SIRT1: variants seen among roughly 807,000 people sequenced by gnomAD.
SIRT1 encodes sirtuin 1.
A neutral mutation model predicts 67.9 loss-of-function variants in SIRT1; 24 were observed. The observed-to-expected ratio is 0.35, with a 90% CI of 0.26 to 0.50. The LOEUF (loss-of-function observed/expected upper bound fraction) is 0.50, where lower values mean the gene tolerates loss of function less well. Among genes scored for constraint, SIRT1 ranks in the 20% least tolerant of loss-of-function variants. The pLI is 0.98. For synonymous variants in SIRT1, 378 were observed against 350.7 expected (o/e 1.08, Z -0.87); for missense variants, 873 against 937.2 (o/e 0.93, Z 0.89).
chr10:67,888,910 T>C lies in SIRT1; in HGVS notation c.576T>C (p.Leu192=), dbSNP rs1176591440. The change falls in exon 3 of 9, where the codon CTT becomes CTC. Residue 192 remains leucine, a synonymous_variant. Coordinates refer to ENST00000212015, the MANE Select transcript of SIRT1 (RefSeq NM_012238.5). ...IGPYTFVQQH[L]MIGTDPRTIL... ...CATATACTTTTGTTCAGCAACATCT[T>C]ATGATTGGCACAGATCCTCGAACAA... 6 of 1,613,222 alleles carry C rather than the reference T, an allele frequency of 3.7e-6. No homozygotes were observed. Among genetic ancestry groups the C allele is most frequent in the South Asian group, 3.3e-5 (3 of 90,962 alleles).
At position 67,918,108 on chromosome 10, in the gene SIRT1, A is replaced by G. The variant is rs1462965884; in HGVS notation, c.*1515A>G. The G allele has an allele frequency of 1.3e-5, 2 of 152,626 alleles. No homozygotes were observed. The highest frequency in any genetic ancestry group is 1.5e-5 in the Non-Finnish European group (1 of 68,030). The allele number at this position is 152,626 out of a possible 1,614,324, so 9.5% of individuals were successfully genotyped here. On this transcript the variant is annotated 3_prime_UTR_variant, in exon 9 of 9. Transcript: ENST00000212015. ...AATCTGAATTTATTTGGCTACACTAAAGAATGCAGTATATTTAGTTTTCCA... is the reference window on the plus strand; with the variant it reads ...AATCTGAATTTATTTGGCTACACTAGAGAATGCAGTATATTTAGTTTTCCA...
chr10:67,885,169 G>T lies in SIRT1; in HGVS notation c.430+18G>T, dbSNP rs1403585426. The T allele has an allele frequency of 2.2e-6, 3 of 1,368,580 alleles. No homozygotes were observed. The East Asian group carries it at 9.2e-5, about 42-fold the overall frequency. The allele number at this position is 1,368,580 out of a possible 1,614,324, so 84.8% of individuals were successfully genotyped here. A position where few individuals can be genotyped will look rare whatever the true frequency, so the allele number is the denominator to read the frequency against. ...GTACCGAGGTGCGCAGGGTGCGGGC[G>T]GCCGGAACTGCGCATCTCCTCCTCC... On this transcript the variant is annotated intron_variant, in intron 1 of 8. Coordinates refer to ENST00000212015, the MANE Select transcript of SIRT1 (RefSeq NM_012238.5).
At chr10:67,889,352 G>T (rs1361088316) in intron 3 of SIRT1, among the ~76,000 whole-genome samples, 1 of 152,208 alleles carries the variant, frequency 6.6e-6, no homozygotes, top group Non-Finnish European at 1.5e-5. Flanking sequence ...GTGGGTAAAT[G>T]GAGTTAAGGC....
rs1283901499 is a variant in SIRT1, at chr10:67,916,344, C to A, written c.1995C>A (p.Val665=). 46 of 1,614,034 alleles carry A rather than the reference C, an allele frequency of 2.9e-5. No homozygotes were observed. Among genetic ancestry groups the A allele is most frequent in the Non-Finnish European group, 3.0e-5 (35 of 1,180,004 alleles). ...AEVYSDSEDD[V]LSSSSCGSNS... is the part of the protein sequence containing the mutation. ...TATATTCAGACTCTGAAGATGACGT[C>A]TTATCCTCTAGTTCTTGTGGCAGTA... The change falls in exon 9 of 9, where the codon GTC becomes GTA. Residue 665 remains valine (V), a synonymous_variant. Transcript: ENST00000212015.
chr10:67,890,259 T>TGGCCAA (rs1175795590), intron 3 of SIRT1, among the ~76,000 whole-genome samples: 1 of 152,186 alleles, frequency 6.6e-6, no homozygotes, highest in Admixed American at 6.5e-5. Flanking sequence ...TTTCACCATA[T>TGGCCAA]TGGCCAGGCT....
chr10:67,887,343 T>C (rs576953819), intron 1 of SIRT1, 74 bp from the exon 2 acceptor site: 6 of 902,500 alleles, frequency 6.6e-6, no homozygotes, highest in African/African-American at 1.6e-5. Flanking sequence ...ATGAAAATGA[T>C]TGCTCTATAA....
intron 4 of SIRT1, among the ~76,000 whole-genome samples, chr10:67,897,882 ATGT>A (rs1842682237): frequency 6.6e-6 from 1 of 150,868 alleles, no homozygotes; most frequent in Non-Finnish European, 1.5e-5. Flanking sequence ...TAATTCACTG[ATGT>A]TAATAAAAAT....
Position 67,887,518 on chromosome 10 carries a change from C to A in SIRT1, c.532C>A (p.Pro178Thr). The change falls in exon 2 of 9, where the codon CCA becomes ACA. Residue 178 changes from proline to threonine, a missense_variant. Coordinates refer to ENST00000212015, the MANE Select transcript of SIRT1 (RefSeq NM_012238.5). ...ACATGCAAGCTCTAGTGACTGGACT[C>A]CAAGGCCACGGATAGGTATGGCTCA... ...ASHASSSDWT[P>T]RPRIGPYTFV... is the part of the protein sequence containing the mutation. The A allele has an allele frequency of 6.2e-7, 1 of 1,608,764 alleles. No homozygotes were observed. The highest frequency in any genetic ancestry group is 8.5e-7 in the Non-Finnish European group (1 of 1,175,258).
In SIRT1 at chr10:67,906,659, T is replaced by TA. The variant is rs2131879708; in HGVS notation, c.943-130dup. The TA allele has an allele frequency of 4.4e-6, 4 of 914,648 alleles. No homozygotes were observed. The East Asian group carries it at 1.1e-4, about 24-fold the overall frequency. The allele number at this position is 914,648 out of a possible 1,614,324, so 56.7% of individuals were successfully genotyped here. A position where few individuals can be genotyped will look rare whatever the true frequency, so the allele number is the denominator to read the frequency against. On this transcript the variant is annotated intron_variant, in intron 4 of 8. Transcript: ENST00000212015. The stretch of plus-strand genomic sequence containing the variant: ...TAGGTGTGTGTCGCATCCATCTAGA[T>TA]ACTTTAAAATGCTCATCTATTTCAT...
chr10:67,895,759 T>G (rs1842647626), intron 4 of SIRT1, among the ~76,000 whole-genome samples: 1 of 143,052 alleles, frequency 7.0e-6, no homozygotes, highest in Non-Finnish European at 1.5e-5. Flanking sequence ...TTTTTTTTTT[T>G]TGAGACAGTT....
At chr10:67,885,894 A>C (rs2131843622) in intron 1 of SIRT1, among the ~76,000 whole-genome samples, 1 of 150,944 alleles carries the variant, frequency 6.6e-6, no homozygotes, top group South Asian at 2.1e-4. Flanking sequence ...TAACACTTCT[A>C]GCATAATGAA....
Position 67,885,395 on chromosome 10 carries a change from G to C in SIRT1, c.430+244G>C, listed in dbSNP as rs775559192. The C allele has an allele frequency of 1.2e-4, 146 of 1,229,636 alleles. No individual in the cohort carries two copies. The Middle Eastern group carries it at 1.2e-3, about 10-fold the overall frequency. The allele number at this position is 1,229,636 out of a possible 1,614,324, so 76.2% of individuals were successfully genotyped here. ...GGGCGGCCTTGTTCTTTCCGCAGCA[G>C]CCAGGTCGGGAGACTCTCGCAGTCG... On this transcript the variant is annotated intron_variant, in intron 1 of 8. Transcript: ENST00000212015.
chr10:67,885,053 C>G lies in SIRT1; in HGVS notation c.332C>G (p.Ser111Cys). The change falls in exon 1 of 9, where the codon TCT (serine) becomes TGT (cysteine). Residue 111 changes from serine (S) to cysteine (C), a missense_variant. Around this residue, in one of 3 missense-constraint regions of SIRT1, gnomAD observed 327 missense variants for 283.9 expected, o/e 1.15. Transcript: ENST00000212015. ...GDNGPGLQGP[S>C]REPPLADNLY... is the part of the protein sequence containing the mutation. Reference sequence around the variant, plus strand: ...AATGGGCCGGGCCTGCAGGGCCCATCTCGGGAGCCACCGCTGGCCGACAAC... The same window carrying G: ...AATGGGCCGGGCCTGCAGGGCCCATGTCGGGAGCCACCGCTGGCCGACAAC... The G allele has an allele frequency of 7.0e-7, 1 of 1,430,764 alleles. No individual in the cohort carries two copies. Among genetic ancestry groups the G allele is most frequent in the Non-Finnish European group, 9.2e-7 (1 of 1,084,560 alleles). 88.6% of individuals were successfully genotyped at this position (1,430,764 alleles called of 1,614,324 possible). A position where few individuals can be genotyped will look rare whatever the true frequency, so the allele number is the denominator to read the frequency against.
chr10:67,907,232 C>T (rs1344544902), intron 5 of SIRT1, among the ~76,000 whole-genome samples: 1 of 152,108 alleles, frequency 6.6e-6, no homozygotes, highest in Non-Finnish European at 1.5e-5. Context: ...CAGTGGCTCA[C>T]GCCTGTAATC....
In SIRT1 at chr10:67,884,821, C is replaced by T; in HGVS notation, c.100C>T (p.Arg34Cys). 18 of 1,224,342 alleles carry T rather than the reference C, an allele frequency of 1.5e-5. No homozygotes were observed. The highest frequency in any genetic ancestry group is 1.8e-5 in the Non-Finnish European group (18 of 983,298). 75.8% of individuals were successfully genotyped at this position (1,224,342 alleles called of 1,614,324 possible). ...GTCGTCCCCCGCCGGGGAGCCGCTC[C>T]GCAAGAGGCCGCGGAGAGATGGTCC... Reference protein sequence around the residue: ...AASSPAGEPLRKRPRRDGPGL... With the variant: ...AASSPAGEPLCKRPRRDGPGL... The change falls in exon 1 of 9, where the codon CGC becomes TGC. Residue 34 changes from arginine to cysteine, a missense_variant. Coordinates refer to ENST00000212015, the MANE Select transcript of SIRT1 (RefSeq NM_012238.5).
intron 4 of SIRT1, among the ~76,000 whole-genome samples, chr10:67,895,735 T>G (rs1479712825): frequency 1.3e-5 from 1 of 78,456 alleles, no homozygotes; most frequent in African/African-American, 5.1e-5. Flanking sequence ...ATTAACTTGT[T>G]TTTTTTTTTT....
intron 1 of SIRT1, among the ~76,000 whole-genome samples, chr10:67,885,919 G>C (rs1381454761): frequency 6.8e-6 from 1 of 146,054 alleles, no homozygotes; most frequent in Non-Finnish European, 1.5e-5. Flanking sequence ...ATATGTTGCA[G>C]TTGTCATGTT....
rs546964507 is a variant in SIRT1, at chr10:67,897,030, C to T, written c.942+5476C>T. Among the ~76,000 whole-genome samples the T allele has an allele frequency of 1.3e-3, 202 of 151,906 alleles. 4 individuals are homozygous for T. In the East Asian group the frequency reaches 0.034, roughly 25 times the overall value. On this transcript the variant is annotated intron_variant, in intron 4 of 8. Transcript: ENST00000212015. The stretch of plus-strand genomic sequence containing the variant: ...AAATAGCCAGACGTGGTGGTGCACA[C>T]CTGTAATTCCAGCTACTCGGGAGGC...
chr10:67,885,623 T>G (rs1273944202), intron 1 of SIRT1, among the ~76,000 whole-genome samples: 5 of 152,198 alleles, frequency 3.3e-5, no homozygotes, highest in Non-Finnish European at 7.3e-5. Context: ...CAGTTTGCTT[T>G]TTTTGGTCTA....
Sources: gnomAD v4.1 joint callset for allele counts (sites outside exome capture counted in the v4.1 genomes callset) on GRCh38, gnomAD v4.1.1 for gene constraint, gnomAD v4.1.1 regional missense constraint, MANE v1.5 for transcripts, NCBI Gene and HGNC (gene_info 2026-07-23, HGNC 2026-07-21) for gene names.